The following TMPRSS15 variants were observed in gnomAD, a reference collection of about 807,000 sequenced individuals.
The protein encoded by TMPRSS15 is transmembrane serine protease 15.
A neutral mutation model predicts 125.3 loss-of-function variants in TMPRSS15; 128 were observed. The observed-to-expected ratio is 1.02, with a 90% CI of 0.89 to 1.18. The LOEUF is 1.18. Among genes scored for constraint, TMPRSS15 ranks in the 50% most tolerant of loss-of-function variants. The pLI, the probability that TMPRSS15 is intolerant of heterozygous loss-of-function variation, is 0.00. For synonymous variants in TMPRSS15, 446 were observed against 423.2 expected, an observed-to-expected ratio of 1.05 and a Z score of -0.66; for missense variants, 1,283 against 1,212.7, an observed-to-expected ratio of 1.06 and a Z score of -0.86.
rs2076119097 is a variant in TMPRSS15 at position 18,403,701 on chromosome 21, C to T, written c.-79G>A. On this transcript the variant is annotated 5_prime_UTR_variant, in exon 1 of 25. The change abolishes the stop of an existing upstream ORF in the 5' untranslated region. Transcript: ENST00000284885. The stretch of plus-strand genomic sequence containing the variant: ...CTACCAACTGAAGAGAAAAATCTCT[C>T]AAATTTTTAAAGATGTGTAAAGCAA... 2 of 1,580,746 alleles carry T rather than the reference C, an allele frequency of 1.3e-6. No individual in the cohort carries two copies. The highest frequency in any genetic ancestry group is 3.4e-5 in the Admixed American group (2 of 58,836).
chr21:18,278,858 A>G (rs1416938579), intron 23 of TMPRSS15, 106 bp downstream of exon 23: 1 of 668,852 alleles, frequency 1.5e-6, no homozygotes, highest in Non-Finnish European at 2.6e-6. Flanking sequence ...AAACTGTTAT[A>G]TAAGAATTGC....
At chr21:18,438,498 T>G (rs2076234426) in intron 1 of TMPRSS15, among the ~76,000 whole-genome samples, 2 of 152,234 alleles carry the variant, frequency 1.3e-5, no homozygotes, top group East Asian at 3.9e-4. Flanking sequence ...CAAAAAACAT[T>G]ATTAATTTCT....
At chr21:18,361,736 G>A (rs17771793) in intron 7 of TMPRSS15, among the ~76,000 whole-genome samples, 4,483 of 152,224 alleles carry the variant, frequency 0.029, 87 homozygotes, top group Non-Finnish European at 0.044. Flanking sequence ...CAGGGCTGAA[G>A]TTTAGTCTTC....
intron 1 of TMPRSS15, among the ~76,000 whole-genome samples, chr21:18,458,229 A>G (rs986477709): frequency 6.6e-6 from 1 of 152,190 alleles, no homozygotes; most frequent in Non-Finnish European, 1.5e-5. Flanking sequence ...GCATGAATGA[A>G]AAAAATAATT....
intron 4 of TMPRSS15, among the ~76,000 whole-genome samples, chr21:18,381,997 T>C (rs1049463823): frequency 9.9e-5 from 15 of 152,088 alleles, no homozygotes; most frequent in African/African-American, 3.4e-4. Flanking sequence ...AATGAAAATA[T>C]TCATTTTTCC....
At chr21:18,322,703 G>T (rs1478466614) in intron 16 of TMPRSS15, among the ~76,000 whole-genome samples, 4 of 152,114 alleles carry the variant, frequency 2.6e-5, no homozygotes, top group Non-Finnish European at 5.9e-5. Context: ...TAAATAGAAT[G>T]GTGGTCACCA....
In TMPRSS15 at chr21:18,363,722, G is replaced by A. The variant is rs189731373; in HGVS notation, c.773+1418C>T. On this transcript the variant is annotated intron_variant, in intron 7 of 24. Coordinates refer to ENST00000284885, the MANE Select transcript of TMPRSS15 (RefSeq NM_002772.3). Reference sequence around the variant, plus strand: ...TTAAGTTTGAAGTGATTATGTGTGTGTGTGTGTTTCTGCATCAGAAAAATG... The same window carrying A: ...TTAAGTTTGAAGTGATTATGTGTGTATGTGTGTTTCTGCATCAGAAAAATG... 3.3e-3 allele frequency among the ~76,000 whole-genome samples: 495 copies of A among 152,192 alleles called. 5 individuals carry two copies. The highest frequency in any genetic ancestry group is 0.011 in the African/African-American group (452 of 41,550).
chr21:18,301,001 C>A (rs1021163222), intron 18 of TMPRSS15, among the ~76,000 whole-genome samples: 1 of 152,102 alleles, frequency 6.6e-6, no homozygotes, highest in South Asian at 2.1e-4. Context: ...CTGAGATGAT[C>A]TTTTCAACAT....
intron 4 of TMPRSS15, among the ~76,000 whole-genome samples, chr21:18,381,483 T>G (rs1206424362): frequency 6.6e-6 from 1 of 152,188 alleles, no homozygotes; most frequent in Non-Finnish European, 1.5e-5. Flanking sequence ...GATATTAAAC[T>G]GAAATACCTA....
intron 13 of TMPRSS15, among the ~76,000 whole-genome samples, chr21:18,337,831 A>G (rs1394478909): frequency 1.3e-5 from 2 of 152,210 alleles, no homozygotes; most frequent in East Asian, 3.8e-4. Flanking sequence ...CTCTACTCAA[A>G]TAAGAATTTC....
chr21:18,423,533 T>C (rs1329262951), intron 1 of TMPRSS15, among the ~76,000 whole-genome samples: 2 of 151,240 alleles, frequency 1.3e-5, no homozygotes, highest in East Asian at 2.0e-4. Flanking sequence ...CTCAGCCTCC[T>C]GAGTAGCTGG....
intron 1 of TMPRSS15, among the ~76,000 whole-genome samples, chr21:18,409,930 CCT>C (rs1224502307): frequency 2.2e-5 from 3 of 133,810 alleles, no homozygotes; most frequent in African/African-American, 8.4e-5. Flanking sequence ...TTCCTTCCTT[CCT>C]TTCTTCCTTC....
chr21:18,372,081 A>T, intron 6 of TMPRSS15, 112 bp downstream of exon 6: 2 of 880,206 alleles, frequency 2.3e-6, no homozygotes, highest in East Asian at 3.1e-5. Context: ...CAGTAGTTTC[A>T]GGTATTTGAG....
chr21:18,385,457 A>G (rs1432730880), intron 3 of TMPRSS15, among the ~76,000 whole-genome samples: 1 of 152,206 alleles, frequency 6.6e-6, no homozygotes, highest in Non-Finnish European at 1.5e-5. Context: ...GCCTTGGTCA[A>G]CAGAATCTGA....
intron 1 of TMPRSS15, among the ~76,000 whole-genome samples, chr21:18,445,862 G>A (rs1199360926): frequency 6.6e-6 from 1 of 152,148 alleles, no homozygotes; most frequent in African/African-American, 2.4e-5. Context: ...TACTGGACAA[G>A]GAACTATTGA....
chr21:18,348,283 C>G (rs2075530250), intron 10 of TMPRSS15, among the ~76,000 whole-genome samples: 1 of 152,160 alleles, frequency 6.6e-6, no homozygotes, highest in Admixed American at 6.6e-5. Context: ...AAACTCCTTT[C>G]CATCACTTTT....
At chr21:18,453,789 A>G (rs1978385750) in intron 1 of TMPRSS15, among the ~76,000 whole-genome samples, 1 of 152,200 alleles carries the variant, frequency 6.6e-6, no homozygotes, top group Non-Finnish European at 1.5e-5. Flanking sequence ...AAAATCTGGT[A>G]TATATGTGTA....
At chr21:18,461,820 T>A (rs2122952811) in intron 1 of TMPRSS15, among the ~76,000 whole-genome samples, 1 of 152,162 alleles carries the variant, frequency 6.6e-6, no homozygotes, top group African/African-American at 2.4e-5. Flanking sequence ...GATCTTTGGA[T>A]ACTATAGTTG....
intron 21 of TMPRSS15, among the ~76,000 whole-genome samples, chr21:18,290,199 T>G (rs1448230704): frequency 6.6e-6 from 1 of 152,192 alleles, no homozygotes; most frequent in East Asian, 1.9e-4. Context: ...AGTATTCTAT[T>G]GGAGTTGGAG....
Sources: gnomAD v4.1 joint callset for allele counts (sites outside exome capture counted in the v4.1 genomes callset) on GRCh38, gnomAD v4.1.1 for gene constraint, MANE v1.5 for transcripts, NCBI Gene and HGNC (gene_info 2026-07-23, HGNC 2026-07-21) for gene names.